WSCD2: variants seen among roughly 807,000 people sequenced by gnomAD.
WSCD2 encodes the protein WSC domain sialate O sulfotransferase 2.
In WSCD2, 28 loss-of-function variants were observed where a neutral mutation model predicts 55.7. The observed-to-expected ratio is 0.50, with a 90% CI of 0.37 to 0.69. WSCD2 has a LOEUF of 0.69. WSCD2 is among the 30% of genes least tolerant of loss of function. The pLI is 0.00. For synonymous variants in WSCD2, 301 were observed against 301.9 expected, an observed-to-expected ratio of 1.00 and a Z score of 0.03; for missense variants, 616 against 762.1, an observed-to-expected ratio of 0.81 and a Z score of 2.26.
In WSCD2 at chr12:108,196,099, C is replaced by T. The variant is rs375207995; in HGVS notation, c.267C>T (p.Tyr89=). 9.3e-5 allele frequency: 150 copies of T among 1,614,000 alleles called. No individual in the cohort carries two copies. The highest frequency in any genetic ancestry group is 9.1e-5 in the Non-Finnish European group (107 of 1,180,032). ...TGEASSIARR[Y]GPWFKGKDGN... The stretch of plus-strand genomic sequence containing the variant: ...AAGCCTCAAGCATTGCTCGCAGGTA[C>T]GGACCCTGGTTCAAGGGCAAGGATG... Residue 89 remains tyrosine, a synonymous_variant, in exon 2 of 9, where the codon TAC becomes TAT. Transcript: ENST00000547525.
chr12:108,227,967 A>C (rs1419665195), intron 6 of WSCD2, among the ~76,000 whole-genome samples: 3 of 145,936 alleles, frequency 2.1e-5, no homozygotes, highest in African/African-American at 7.5e-5. Context: ...TGCCAGACTC[A>C]GTGTTGCATC....
intron 1 of WSCD2, among the ~76,000 whole-genome samples, chr12:108,175,603 G>A (rs1401500265): frequency 6.6e-6 from 1 of 152,220 alleles, no homozygotes; most frequent in African/African-American, 2.4e-5. Context: ...TAACCCCAGT[G>A]TTACTGCTCT....
chr12:108,227,076 G>A lies in WSCD2; in HGVS notation c.891G>A (p.Glu297=). The change falls in exon 6 of 9, where the codon GAG becomes GAA. Residue 297 remains glutamate (E), a synonymous_variant. Transcript: ENST00000547525. ...TRFPLHDRED[E]QLCAQKCSAE... ...TCCCGCTCCATGACAGAGAGGATGA[G>A]CAGCTCTGTGCCCAGAAGTGCAGCG... is the stretch of plus-strand genomic sequence containing the variant. The A allele has an allele frequency of 1.2e-6, 2 of 1,614,230 alleles. No homozygotes were observed. Among genetic ancestry groups the A allele is most frequent in the Non-Finnish European group, 1.7e-6 (2 of 1,180,036 alleles).
intron 1 of WSCD2, among the ~76,000 whole-genome samples, chr12:108,135,836 T>G (rs1436543437): frequency 7.0e-6 from 1 of 141,868 alleles, no homozygotes; most frequent in South Asian, 2.5e-4. Flanking sequence ...AATAAAGTTT[T>G]ATTGCAACTC....
chr12:108,165,992 T>C (rs961737432), intron 1 of WSCD2, among the ~76,000 whole-genome samples: 8 of 152,220 alleles, frequency 5.3e-5, no homozygotes, highest in African/African-American at 1.9e-4. Flanking sequence ...AGATTTTTTA[T>C]TGATGTCATC....
At chr12:108,208,327 AC>A (rs879497608) in intron 3 of WSCD2, among the ~76,000 whole-genome samples, 4 of 152,206 alleles carry the variant, frequency 2.6e-5, no homozygotes, top group Admixed American at 2.6e-4. Context: ...ACTTCACAAG[AC>A]CCCTATGAGG....
chr12:108,145,338 T>C (rs1322879568), intron 1 of WSCD2, among the ~76,000 whole-genome samples: 1 of 152,242 alleles, frequency 6.6e-6, no homozygotes, highest in Admixed American at 6.5e-5. Flanking sequence ...CCTTAAGGCT[T>C]TGTGATTACA....
intron 1 of WSCD2, among the ~76,000 whole-genome samples, chr12:108,177,424 G>C (rs1881031611): frequency 2.0e-5 from 3 of 152,094 alleles, no homozygotes; most frequent in Non-Finnish European, 4.4e-5. Flanking sequence ...AGTGCAGCCA[G>C]ACTTACCCAG....
chr12:108,164,215 A>G (rs1879399632), intron 1 of WSCD2, among the ~76,000 whole-genome samples: 2 of 140,372 alleles, frequency 1.4e-5, no homozygotes, highest in South Asian at 4.5e-4. Context: ...TACATACTGT[A>G]AAGTACAAAA....
chr12:108,138,638 G>A (rs900978475), intron 1 of WSCD2, among the ~76,000 whole-genome samples: 1 of 152,170 alleles, frequency 6.6e-6, no homozygotes, highest in African/African-American at 2.4e-5. Flanking sequence ...ATTCTTCCTA[G>A]CACTAATGTG....
chr12:108,178,322 T>C (rs1165479733), intron 1 of WSCD2, among the ~76,000 whole-genome samples: 1 of 152,164 alleles, frequency 6.6e-6, no homozygotes. Flanking sequence ...GCATCTATGG[T>C]GACCAGCATC....
At chr12:108,163,249 G>A (rs1879247889) in intron 1 of WSCD2, among the ~76,000 whole-genome samples, 1 of 152,104 alleles carries the variant, frequency 6.6e-6, no homozygotes, top group Non-Finnish European at 1.5e-5. Flanking sequence ...GGCACCTGTA[G>A]TCCCAGCTTC....
At chr12:108,139,249 G>A (rs1450685020) in intron 1 of WSCD2, among the ~76,000 whole-genome samples, 1 of 152,194 alleles carries the variant, frequency 6.6e-6, no homozygotes, top group Non-Finnish European at 1.5e-5. Flanking sequence ...AGTTGCATGG[G>A]ATGGAATTAA....
At chr12:108,215,157 G>T (rs952320032) in intron 4 of WSCD2, among the ~76,000 whole-genome samples, 20 of 152,216 alleles carry the variant, frequency 1.3e-4, no homozygotes, top group African/African-American at 4.6e-4. Context: ...GGGAATGATA[G>T]AAAATATTTC....
At chr12:108,220,097 G>A (rs890972280) in intron 4 of WSCD2, among the ~76,000 whole-genome samples, 1 of 152,184 alleles carries the variant, frequency 6.6e-6, no homozygotes, top group South Asian at 2.1e-4. Flanking sequence ...TTTAAAAAGA[G>A]ACAGCCCAGG....
chr12:108,184,400 CTGGTGG>C (rs1211982704), intron 1 of WSCD2, among the ~76,000 whole-genome samples: 6 of 152,234 alleles, frequency 3.9e-5, no homozygotes, highest in Admixed American at 3.9e-4. Context: ...TTTTTCACTC[CTGGTGG>C]AAAGTTCCTC....
At chr12:108,225,764 C>A (rs1449115178) in intron 5 of WSCD2, among the ~76,000 whole-genome samples, 2 of 152,108 alleles carry the variant, frequency 1.3e-5, no homozygotes, top group East Asian at 1.9e-4. Context: ...CCTTCAATAC[C>A]CCCAGCACAG....
intron 1 of WSCD2, among the ~76,000 whole-genome samples, chr12:108,170,963 G>T (rs1388331691): frequency 6.6e-6 from 1 of 152,156 alleles, no homozygotes; most frequent in Non-Finnish European, 1.5e-5. Context: ...GTCCACATGA[G>T]ACCAGACTGG....
At position 108,249,580 on chromosome 12, in the gene WSCD2, A is replaced by T. The variant is rs1890315660; in HGVS notation, c.*1237A>T. On this transcript the variant is annotated 3_prime_UTR_variant, in exon 9 of 9. Coordinates refer to ENST00000547525, the MANE Select transcript of WSCD2 (RefSeq NM_014653.4). ...AGCTTCCCACCCAGTCCAAACCTGC[A>T]CCATCCATCATTATGTAGATGAAAA... The T allele has an allele frequency of 6.6e-6, 1 of 152,558 alleles. No individual in the cohort carries two copies. The highest frequency in any genetic ancestry group is 2.1e-4 in the South Asian group (1 of 4,818). The allele number at this position is 152,558 out of a possible 1,614,324, so 9.5% of individuals were successfully genotyped here. A position where few individuals can be genotyped will look rare whatever the true frequency, so the allele number is the denominator to read the frequency against.
Sources: allele counts gnomAD v4.1 joint callset (sites outside exome capture counted in the v4.1 genomes callset), GRCh38; gene constraint gnomAD v4.1.1; transcripts MANE v1.5; gene names NCBI Gene and HGNC (gene_info 2026-07-23, HGNC 2026-07-21).